Variants in TRABD2A observed in about 807,000 individuals in gnomAD.
TRABD2A encodes metalloprotease TIKI1.
In TRABD2A, 43 loss-of-function variants were observed where a neutral mutation model predicts 45.6. The ratio of observed to expected loss-of-function variants is 0.94; its 90% CI spans 0.74 to 1.22. TRABD2A has a LOEUF of 1.22. Ranked by LOEUF, TRABD2A falls within the 50% of genes most tolerant of loss-of-function variation. The probability of loss-of-function intolerance (pLI) is 0.00; values close to 1 mark genes in which losing one functional copy is unlikely to be tolerated. For synonymous variants in TRABD2A, 269 were observed against 265.0 expected (o/e 1.02, Z -0.15); for missense variants, 642 against 652.4 (o/e 0.98, Z 0.17).
chr2:84,867,418 T>C (rs1056597602), intron 2 of TRABD2A, among the ~76,000 whole-genome samples: 19 of 152,274 alleles, frequency 1.2e-4, no homozygotes, highest in African/African-American at 4.6e-4. Flanking sequence ...TACTTACACC[T>C]TATACAAAAA....
At position 84,870,413 on chromosome 2, in the gene TRABD2A, C is replaced by T. The variant is rs1682836244; in HGVS notation, c.481G>A (p.Glu161Lys). The change falls in exon 2 of 7, where the codon GAG (glutamate) becomes AAG (lysine). Residue 161 changes from glutamate (E) to lysine (K), a missense_variant. By Grantham distance (56) the Glu-to-Lys change is moderately conservative. Transcript: ENST00000409520. ...ATCACCCAGACAGGCCTCTTGCGCT[C>T]CCAGTTTCCGGCAATAGCATTGAAG... ...YLFNAIAGNW[E>K]RKRPVWVMLM... is the part of the protein sequence containing the mutation. The T allele has an allele frequency of 6.2e-7, 1 of 1,613,920 alleles. No homozygotes were observed. Among genetic ancestry groups the T allele is most frequent in the Non-Finnish European group, 8.5e-7 (1 of 1,179,902 alleles).
intron 2 of TRABD2A, among the ~76,000 whole-genome samples, chr2:84,855,308 C>T (rs542940883): frequency 2.4e-4 from 37 of 152,256 alleles, no homozygotes; most frequent in Middle Eastern, 6.8e-3. Context: ...TAAGATAAAA[C>T]ACCCCTGATA....
chr2:84,880,395 TC>T (rs1206537332), intron 1 of TRABD2A, among the ~76,000 whole-genome samples: 2 of 151,896 alleles, frequency 1.3e-5, no homozygotes, highest in African/African-American at 4.8e-5. Context: ...AGCACACAGG[TC>T]CCCCGCTGAG....
At chr2:84,851,020 C>T (rs1194947466) in intron 2 of TRABD2A, 1 of 152,272 alleles carries the variant, frequency 6.6e-6, no homozygotes, top group Non-Finnish European at 1.5e-5. Context: ...CCTGTCCTGT[C>T]CTGTCCTGTG....
At chr2:84,834,084 A>G (rs1046628053) in intron 4 of TRABD2A, 1 of 152,204 alleles carries the variant, frequency 6.6e-6, no homozygotes, top group African/African-American at 2.4e-5. Context: ...ACACTCCAGC[A>G]CCTGGGCACC....
intron 2 of TRABD2A, among the ~76,000 whole-genome samples, chr2:84,844,346 C>T (rs528843800): frequency 2.6e-5 from 4 of 152,298 alleles, no homozygotes; most frequent in Non-Finnish European, 5.9e-5. Context: ...CCCCTGCACA[C>T]GCTCTCTTGC....
At chr2:84,865,228 A>G (rs911313783) in intron 2 of TRABD2A, among the ~76,000 whole-genome samples, 15 of 113,464 alleles carry the variant, frequency 1.3e-4, no homozygotes, top group South Asian at 9.7e-4. Flanking sequence ...CATTGTGGGG[A>G]AAAAAAAAGA....
At chr2:84,848,329 GATA>G in intron 2 of TRABD2A, among the ~76,000 whole-genome samples, 1 of 39,878 alleles carries the variant, frequency 2.5e-5, no homozygotes, top group Non-Finnish European at 5.2e-5. Context: ...ACATAAAAAT[GATA>G]GATAGATAGA....
chr2:84,827,942 A>G (rs1681196890), intron 5 of TRABD2A, among the ~76,000 whole-genome samples: 1 of 152,230 alleles, frequency 6.6e-6, no homozygotes, highest in African/African-American at 2.4e-5. Context: ...AGTTTCAGCC[A>G]GTGAGACCTG....
intron 2 of TRABD2A, chr2:84,850,694 C>G (rs1682055975): frequency 6.6e-6 from 1 of 152,360 alleles, no homozygotes; most frequent in Middle Eastern, 3.4e-3. Context: ...GATGGCCAAG[C>G]AGTAGGCATG....
intron 2 of TRABD2A, among the ~76,000 whole-genome samples, chr2:84,855,621 C>T (rs1206045907): frequency 6.6e-6 from 1 of 152,144 alleles, no homozygotes; most frequent in East Asian, 1.9e-4. Context: ...AAATTCTACC[C>T]TTCCTTGCCC....
chr2:84,841,893 T>C lies in TRABD2A; in HGVS notation c.784A>G (p.Ser262Gly), dbSNP rs1201744485. Residue 262 changes from serine (S) to glycine (G), a missense_variant, in exon 3 of 7, where the codon AGC (serine) becomes GGC (glycine). Coordinates refer to ENST00000409520, the MANE Select transcript of TRABD2A (RefSeq NM_001277053.2). Reference protein sequence around the residue: ...LIKHYNCGDLSSVILSHDSSQ... With the variant: ...LIKHYNCGDLGSVILSHDSSQ... The stretch of plus-strand genomic sequence containing the variant: ...CTGTCATGGCTGAGGATGACGGAGC[T>C]GAGGTCCCCGCAGTTATAGTGTTTG... The C allele has an allele frequency of 3.2e-6, 5 of 1,545,964 alleles. No individual in the cohort carries two copies. The highest frequency in any genetic ancestry group is 1.2e-5 in the South Asian group (1 of 83,358).
intron 2 of TRABD2A, among the ~76,000 whole-genome samples, chr2:84,863,237 A>ATTTTTTTTTT (rs1559095739): frequency 3.1e-5 from 4 of 129,546 alleles, no homozygotes; most frequent in African/African-American, 1.3e-4. Flanking sequence ...CTTCATGTGA[A>ATTTTTTTTTT]TCTTTTTTTT....
intron 1 of TRABD2A, among the ~76,000 whole-genome samples, chr2:84,879,947 A>G (rs1269557667): frequency 6.6e-6 from 1 of 152,144 alleles, no homozygotes; most frequent in Admixed American, 6.5e-5. Context: ...AGGTGTCATC[A>G]AAGGTGGGCC....
chr2:84,852,695 A>G (rs1057070760), intron 2 of TRABD2A, among the ~76,000 whole-genome samples: 2 of 152,328 alleles, frequency 1.3e-5, no homozygotes, highest in South Asian at 2.1e-4. Context: ...ACAACTGCAA[A>G]GATGACCCAT....
intron 2 of TRABD2A, among the ~76,000 whole-genome samples, chr2:84,850,538 G>A (rs112643357): frequency 1.3e-4 from 20 of 152,244 alleles, no homozygotes; most frequent in African/African-American, 3.6e-4. Context: ...CACTCAGTAG[G>A]AGTTTGGGGT....
In TRABD2A at chr2:84,870,676, T is replaced by C. The variant is rs1559098677; in HGVS notation, c.218A>G (p.Asn73Ser). The C allele has an allele frequency of 6.2e-7, 1 of 1,608,182 alleles. No individual in the cohort carries two copies. Among genetic ancestry groups the C allele is most frequent in the African/African-American group, 1.3e-5 (1 of 74,854 alleles). ...GCTCTGCAGGAAAGCCTCCTTAGAG[T>C]TGTCGGGGATGAAGTCCCAAACTCG... ...YTRVWDFIPD[N>S]SKEAFLQSSI... The change falls in exon 2 of 7, where the codon AAC (asparagine) becomes AGC (serine). Residue 73 changes from asparagine to serine, a missense_variant. Asn to Ser is a conservative substitution (Grantham distance 46). Transcript: ENST00000409520.
chr2:84,829,070 T>G (rs1259386233), intron 5 of TRABD2A, among the ~76,000 whole-genome samples: 2 of 152,298 alleles, frequency 1.3e-5, no homozygotes, highest in Non-Finnish European at 2.9e-5. Flanking sequence ...TTCCTGGTCC[T>G]GGTTAATAGT....
chr2:84,836,831 C>T (rs888949905), intron 4 of TRABD2A: 46 of 152,046 alleles, frequency 3.0e-4, no homozygotes, highest in Middle Eastern at 3.4e-3. Context: ...GTTCAGCCCC[C>T]GTAGTGAATT....
Sources: allele counts gnomAD v4.1 joint callset (sites outside exome capture counted in the v4.1 genomes callset), GRCh38; gene constraint gnomAD v4.1.1; transcripts MANE v1.5; gene names NCBI Gene and HGNC (gene_info 2026-07-23, HGNC 2026-07-21).